The following MYO1D variants were observed in gnomAD, a reference collection of about 807,000 sequenced individuals.
The protein encoded by MYO1D is unconventional myosin-Id.
MYO1D carries 83 observed loss-of-function variants against 122.0 expected under a neutral mutation model. The observed-to-expected ratio is 0.68, with a 90% CI of 0.57 to 0.82. The LOEUF is 0.82. Ranked by LOEUF, MYO1D falls within the 40% of genes least tolerant of loss-of-function variation. MYO1D has a pLI of 0.00. For synonymous variants in MYO1D, 464 were observed against 446.9 expected, an observed-to-expected ratio of 1.04 and a Z score of -0.48; for missense variants, 1,157 against 1,269.5, an observed-to-expected ratio of 0.91 and a Z score of 1.35.
chr17:32,587,789 C>T (rs533211826), intron 21 of MYO1D, among the ~76,000 whole-genome samples: 6 of 152,296 alleles, frequency 3.9e-5, no homozygotes, highest in African/African-American at 1.2e-4. Context: ...GTGGGATTGG[C>T]GGCCCAGATG....
intron 21 of MYO1D, among the ~76,000 whole-genome samples, chr17:32,595,415 AG>A (rs1170147235): frequency 6.6e-6 from 1 of 152,204 alleles, no homozygotes; most frequent in Admixed American, 6.5e-5. Context: ...CCTTGTATAC[AG>A]GTATCAAAAT....
chr17:32,651,610 T>G (rs986394725), intron 19 of MYO1D, among the ~76,000 whole-genome samples: 4 of 152,122 alleles, frequency 2.6e-5, no homozygotes, highest in African/African-American at 9.7e-5. Flanking sequence ...TGATGTCCAC[T>G]GTCTTGAAAA....
intron 21 of MYO1D, among the ~76,000 whole-genome samples, chr17:32,593,746 G>A (rs1018327809): frequency 6.6e-6 from 1 of 152,090 alleles, no homozygotes; most frequent in Non-Finnish European, 1.5e-5. Flanking sequence ...GACCAGTCTG[G>A]CCAACATAGT....
chr17:32,839,546 C>T (rs1377807556), intron 1 of MYO1D, among the ~76,000 whole-genome samples: 1 of 152,124 alleles, frequency 6.6e-6, no homozygotes, highest in African/African-American at 2.4e-5. Flanking sequence ...AACCTGGAAA[C>T]ACTGTGAGCT....
intron 8 of MYO1D, among the ~76,000 whole-genome samples, chr17:32,761,499 T>C (rs942329318): frequency 3.3e-5 from 5 of 152,226 alleles, no homozygotes; most frequent in African/African-American, 1.2e-4. Flanking sequence ...TGAATTTTAC[T>C]CTTTGTTCAC....
At chr17:32,870,108 G>A (rs1014798655) in intron 1 of MYO1D, among the ~76,000 whole-genome samples, 4 of 152,120 alleles carry the variant, frequency 2.6e-5, no homozygotes, top group African/African-American at 9.7e-5. Flanking sequence ...ATCTGTCACG[G>A]AGTAGGAAAG....
chr17:32,876,237 T>C (rs186254014), intron 1 of MYO1D, among the ~76,000 whole-genome samples: 7 of 151,164 alleles, frequency 4.6e-5, no homozygotes, highest in Admixed American at 3.3e-4. Context: ...GATCACTCCA[T>C]AGCATCCTGA....
At chr17:32,698,027 G>A (rs1195734986) in intron 16 of MYO1D, among the ~76,000 whole-genome samples, 3 of 152,112 alleles carry the variant, frequency 2.0e-5, no homozygotes, top group African/African-American at 7.2e-5. Context: ...TCAAATCCCA[G>A]CTCTGGTGTT....
intron 14 of MYO1D, among the ~76,000 whole-genome samples, chr17:32,735,494 T>C (rs1220014463): frequency 6.6e-6 from 1 of 152,228 alleles, no homozygotes; most frequent in East Asian, 1.9e-4. Context: ...TGATGTATAC[T>C]TTAAAGGCAT....
intron 20 of MYO1D, among the ~76,000 whole-genome samples, chr17:32,633,877 G>A (rs59597003): frequency 0.01 from 1,533 of 152,100 alleles, 30 homozygotes; most frequent in African/African-American, 0.035. Context: ...CACCTCACAC[G>A]TTCTATCTTC....
At chr17:32,640,667 A>G (rs1373789738) in intron 19 of MYO1D, among the ~76,000 whole-genome samples, 4 of 150,874 alleles carry the variant, frequency 2.7e-5, no homozygotes, top group African/African-American at 9.8e-5. Flanking sequence ...ATCATTTTTT[A>G]TGGCTGCATA....
chr17:32,633,694 C>T (rs2088054914), intron 20 of MYO1D, among the ~76,000 whole-genome samples: 1 of 151,924 alleles, frequency 6.6e-6, no homozygotes, highest in Non-Finnish European at 1.5e-5. Context: ...AGCCCCCACC[C>T]CCATCCCAGA....
chr17:32,642,077 G>A (rs1220958326), intron 19 of MYO1D, among the ~76,000 whole-genome samples: 3 of 152,192 alleles, frequency 2.0e-5, no homozygotes, highest in Non-Finnish European at 4.4e-5. Flanking sequence ...TAACATTTTA[G>A]TCTTTAATCC....
At position 32,778,541 on chromosome 17, in the gene MYO1D, T is replaced by C; in HGVS notation, c.337A>G (p.Lys113Glu). 6.2e-7 allele frequency: 1 copy of C among 1,614,078 alleles called. No homozygotes were observed. The highest frequency in any genetic ancestry group is 1.1e-5 in the South Asian group (1 of 91,064). ...GCCGCAATATACTGCATAATGTACTTACTGGCTTCCGTTTTACCAGCTCCA... is the reference window on the plus strand; with the variant it reads ...GCCGCAATATACTGCATAATGTACTCACTGGCTTCCGTTTTACCAGCTCCA... Reference protein sequence around the residue: ...ESGAGKTEASKYIMQYIAAIT... With the variant: ...ESGAGKTEASEYIMQYIAAIT... Residue 113 changes from lysine to glutamate, a missense_variant, in exon 3 of 22, where the codon AAG becomes GAG. Lys to Glu is a moderately conservative substitution (Grantham distance 56). Transcript: ENST00000318217.
intron 12 of MYO1D, among the ~76,000 whole-genome samples, chr17:32,747,586 T>C (rs1181724762): frequency 1.3e-5 from 2 of 152,014 alleles, no homozygotes; most frequent in Non-Finnish European, 2.9e-5. Flanking sequence ...ACTGTAATCC[T>C]AGCACTTTGG....
rs139292305 is a variant in MYO1D, at chr17:32,715,995, A to G, written c.1914-3800T>C. Reference sequence around the variant, plus strand: ...ACCTTCTAGTTTACAACAGACTCCTAAATTATTTTCCATTTCCTTTCCAAT... The same window carrying G: ...ACCTTCTAGTTTACAACAGACTCCTGAATTATTTTCCATTTCCTTTCCAAT... On this transcript the variant is annotated intron_variant, in intron 15 of 21. Coordinates refer to ENST00000318217, the MANE Select transcript of MYO1D (RefSeq NM_015194.3). Among the ~76,000 whole-genome samples, 963 of 151,598 alleles carry G rather than the reference A, an allele frequency of 6.4e-3. 5 individuals are homozygous for G. The highest frequency in any genetic ancestry group is 0.01 in the Non-Finnish European group (700 of 67,964).
At chr17:32,845,218 C>T (rs1024168216) in intron 1 of MYO1D, among the ~76,000 whole-genome samples, 6 of 151,992 alleles carry the variant, frequency 3.9e-5, no homozygotes, top group Non-Finnish European at 7.4e-5. Flanking sequence ...TTAAAAACTT[C>T]GTCTTCAATT....
At chr17:32,664,269 C>A (rs2088608408) in intron 16 of MYO1D, among the ~76,000 whole-genome samples, 1 of 152,064 alleles carries the variant, frequency 6.6e-6, no homozygotes, top group Non-Finnish European at 1.5e-5. Context: ...GGTTGGTTTT[C>A]CCACCAAGGG....
At chr17:32,527,207 T>A (rs1910371777) in intron 21 of MYO1D, among the ~76,000 whole-genome samples, 1 of 152,170 alleles carries the variant, frequency 6.6e-6, no homozygotes, top group African/African-American at 2.4e-5. Flanking sequence ...AATGGCCACA[T>A]GAACAAGGTC....
Sources: gnomAD v4.1 joint callset for allele counts (sites outside exome capture counted in the v4.1 genomes callset) on GRCh38, gnomAD v4.1.1 for gene constraint, MANE v1.5 for transcripts, NCBI Gene and HGNC (gene_info 2026-07-23, HGNC 2026-07-21) for gene names.